The following PDE4DIP variants were observed in gnomAD, a reference collection of about 807,000 sequenced individuals.
PDE4DIP encodes phosphodiesterase 4D interacting protein.
In PDE4DIP, 59 loss-of-function variants were observed where a neutral mutation model predicts 221.4. That is an observed-to-expected ratio of 0.27 (90% CI 0.22 to 0.33). The LOEUF is 0.33. Ranked by LOEUF, PDE4DIP falls within the 10% of genes least tolerant of loss-of-function variation. The pLI is 1.00. For missense variants in PDE4DIP, 1,036 were observed against 2,154.2 expected, an observed-to-expected ratio of 0.48 and a Z score of 10.28; for synonymous variants, 404 against 815.9, an observed-to-expected ratio of 0.50 and a Z score of 8.60.
intron 22 of PDE4DIP, among the ~76,000 whole-genome samples, chr1:148,995,662 A>G (rs1383804035): frequency 2.6e-4 from 40 of 151,562 alleles, no homozygotes; most frequent in African/African-American, 8.5e-4. Flanking sequence ...GATTCACACT[A>G]TCACTACAAA....
At chr1:149,003,919 TAAC>T (rs1553587773) in intron 26 of PDE4DIP, among the ~76,000 whole-genome samples, 189 bp downstream of exon 29, 1 of 150,108 alleles carries the variant, frequency 6.7e-6, no homozygotes, top group African/African-American at 2.4e-5. Flanking sequence ...ATACTGCTAA[TAAC>T]AATAATAATA....
At chr1:148,922,897 T>C (rs1204647480) in intron 1 of PDE4DIP, among the ~76,000 whole-genome samples, 3 of 147,650 alleles carry the variant, frequency 2.0e-5, no homozygotes, top group African/African-American at 7.5e-5. Context: ...TTATTTTTTA[T>C]TTTTTTGAGG....
intron 1 of PDE4DIP, among the ~76,000 whole-genome samples, chr1:148,823,927 A>G (rs61627023): frequency 0.012 from 1,718 of 146,024 alleles, 3 homozygotes; most frequent in South Asian, 0.084. Context: ...GTGCAGCGTT[A>G]AAAAACTGCT....
chr1:148,822,819 T>C (rs1221438007), intron 1 of PDE4DIP, among the ~76,000 whole-genome samples: 2 of 98,638 alleles, frequency 2.0e-5, no homozygotes, highest in Admixed American at 1.1e-4. Context: ...ATCGAGTAAA[T>C]GATAAATGCT....
intron 35 of PDE4DIP, among the ~76,000 whole-genome samples, 191 bp from the exon 39 acceptor site, chr1:149,019,956 G>A (rs1208702470): frequency 1.3e-4 from 20 of 152,242 alleles, no homozygotes; most frequent in African/African-American, 4.8e-4. Context: ...GGCATGAAGG[G>A]TTTTGCAAAG....
chr1:148,984,817 G>A (rs1275341271), intron 21 of PDE4DIP: 1 of 152,050 alleles, frequency 6.6e-6, no homozygotes, highest in African/African-American at 2.4e-5. Flanking sequence ...TTTTCTTGAG[G>A]TAGTATTAGA....
At chr1:148,859,948 G>A (rs1272554366) in intron 1 of PDE4DIP, among the ~76,000 whole-genome samples, 1 of 90,894 alleles carries the variant, frequency 1.1e-5, no homozygotes, top group Non-Finnish European at 2.3e-5. Context: ...CTTATACTCT[G>A]TGTTTCTTCA....
intron 1 of PDE4DIP, among the ~76,000 whole-genome samples, chr1:148,919,531 C>T (rs1209464875): frequency 5.9e-5 from 9 of 151,840 alleles, no homozygotes; most frequent in Non-Finnish European, 1.3e-4. Flanking sequence ...AGATAGAGTC[C>T]TTTCTGAAAA....
chr1:148,981,358 G>C, exon 21 of PDE4DIP: 1 of 1,614,024 alleles, frequency 6.2e-7, no homozygotes, highest in African/African-American at 1.3e-5. Context: ...AAGAAGCTTG[G>C]AGCGCTTAAA....
intron 13 of PDE4DIP, 147 bp downstream of exon 16, chr1:148,968,052 T>G (rs2058506732): frequency 2.3e-6 from 1 of 441,904 alleles, no homozygotes; most frequent in South Asian, 5.9e-5. Flanking sequence ...CACTGGGATT[T>G]TTTTTTTCCC....
At chr1:149,012,681 C>T (rs1280164483) in exon 32 of PDE4DIP, 1 of 1,613,834 alleles carries the variant, frequency 6.2e-7, no homozygotes, top group Non-Finnish European at 8.5e-7. Flanking sequence ...TTCAGCCCCA[C>T]TGGCCCTCTC....
At chr1:148,950,340 A>G (rs1175963485) in intron 5 of PDE4DIP, among the ~76,000 whole-genome samples, 2 of 152,032 alleles carry the variant, frequency 1.3e-5, no homozygotes, top group African/African-American at 2.4e-5. Context: ...TGAAGCTCAC[A>G]TACCTAGAGG....
chr1:148,989,956 G>C (rs1401958184), intron 21 of PDE4DIP, among the ~76,000 whole-genome samples: 1 of 152,160 alleles, frequency 6.6e-6, no homozygotes, highest in African/African-American at 2.4e-5. Flanking sequence ...TGGTTTGAAT[G>C]AGTAAGTATT....
At chr1:148,993,595 T>G in intron 22 of PDE4DIP, 1 of 1,199,990 alleles carries the variant, frequency 8.3e-7, no homozygotes, top group Admixed American at 3.5e-5. Context: ...TCCCTCACAA[T>G]ACTTGCCACA....
chr1:148,978,444 AT>A, intron 19 of PDE4DIP, 29 bp downstream of exon 22: 1 of 1,384,604 alleles, frequency 7.2e-7, no homozygotes, highest in Non-Finnish European at 9.9e-7. Flanking sequence ...AACCTTATTT[AT>A]TTATTTACAT....
At chr1:149,024,277 G>T in intron 37 of PDE4DIP, 168 bp from the exon 41 acceptor site, 1 of 615,234 alleles carries the variant, frequency 1.6e-6, no homozygotes, top group Non-Finnish European at 2.9e-6. Flanking sequence ...TGCCAGCTCA[G>T]TGCCATCCCC....
intron 5 of PDE4DIP, chr1:148,953,547 A>C: frequency 6.2e-7 from 1 of 1,614,192 alleles, no homozygotes; most frequent in African/African-American, 1.3e-5. Context: ...CCTCCACAAC[A>C]GAAAGATGAG....
chr1:148,840,229 C>G (rs12405903), intron 1 of PDE4DIP, among the ~76,000 whole-genome samples: 7,879 of 107,928 alleles, frequency 0.073, 957 homozygotes, highest in East Asian at 0.47. Flanking sequence ...CCCTGAAGCA[C>G]AATCAGTTGA....
In PDE4DIP at chr1:149,023,668, A is replaced by G. The variant is rs1335925153; in HGVS notation, c.6086-777A>G. Reference sequence around the variant, plus strand: ...TATATATGTACATGTATATGTGTGCACATATATATGTACATGTATATGTGT... The same window carrying G: ...TATATATGTACATGTATATGTGTGCGCATATATATGTACATGTATATGTGT... On this transcript the variant is annotated intron_variant, in intron 37 of 43. Transcript: ENST00000369354. Among the ~76,000 whole-genome samples, 134 of 122,252 alleles carry G rather than the reference A, an allele frequency of 1.1e-3. 1 individual carries two copies. Among genetic ancestry groups the G allele is most frequent in the African/African-American group, 3.8e-3 (127 of 33,596 alleles). 80.2% of individuals were successfully genotyped at this position (122,252 alleles called of 152,430 possible).
Sources: gnomAD v4.1 joint callset for allele counts (sites outside exome capture counted in the v4.1 genomes callset) on GRCh38, gnomAD v4.1.1 for gene constraint, MANE v1.5 for transcripts, NCBI Gene and HGNC (gene_info 2026-07-23, HGNC 2026-07-21) for gene names.